ZW10: variants seen among roughly 807,000 people sequenced by gnomAD.
ZW10 encodes the protein zw10 kinetochore protein, also known as centromere/kinetochore protein zw10 homolog.
Under a neutral mutation model 87.8 loss-of-function variants are expected in ZW10, and 53 were observed. The observed-to-expected ratio is 0.60, with a 90% CI of 0.48 to 0.76. The LOEUF (loss-of-function observed/expected upper bound fraction) is 0.76, where lower values mean the gene tolerates loss of function less well. ZW10 is among the 30% of genes least tolerant of loss of function. The pLI, the probability that ZW10 is intolerant of heterozygous loss-of-function variation, is 0.00. For synonymous variants in ZW10, 312 were observed against 329.2 expected (o/e 0.95, Z 0.57); for missense variants, 837 against 923.0 (o/e 0.91, Z 1.21).
chr11:113,770,970 A>ATTTTT (rs71063523), intron 1 of ZW10, among the ~76,000 whole-genome samples: 2 of 116,202 alleles, frequency 1.7e-5, no homozygotes, highest in Admixed American at 9.4e-5. Context: ...TGAGGATGCT[A>ATTTTT]TTTTTTTTTT....
Position 113,773,448 on chromosome 11 carries a change from C to T in ZW10, c.105+114G>A, listed in dbSNP as rs1447603380. 3 of 821,812 alleles carry T rather than the reference C, an allele frequency of 3.7e-6. No homozygotes were observed. The African/African-American group carries it at 5.2e-5, about 14-fold the overall frequency. 50.9% of individuals were successfully genotyped at this position (821,812 alleles called of 1,614,324 possible). ...CACAACTAGATCTCCCCAACAGGCC[C>T]CACTCTGCTGGTCCCCACTCTGTCT... is the stretch of plus-strand genomic sequence containing the variant. On this transcript the variant is annotated intron_variant, in intron 1 of 15. Coordinates refer to ENST00000200135, the MANE Select transcript of ZW10 (RefSeq NM_004724.4).
intron 7 of ZW10, among the ~76,000 whole-genome samples, chr11:113,751,600 G>T (rs976305788): frequency 1.1e-4 from 16 of 152,220 alleles, no homozygotes; most frequent in Non-Finnish European, 1.9e-4. Context: ...GGCTGGCTGG[G>T]CGCAGTGGCT....
At chr11:113,751,544 A>G (rs564283598) in intron 7 of ZW10, among the ~76,000 whole-genome samples, 3 of 152,300 alleles carry the variant, frequency 2.0e-5, no homozygotes, top group African/African-American at 7.2e-5. Context: ...TTTTAGTTCT[A>G]TGTTAGGGGA....
At chr11:113,752,630 A>G (rs1953745088) in intron 7 of ZW10, among the ~76,000 whole-genome samples, 1 of 152,218 alleles carries the variant, frequency 6.6e-6, no homozygotes, top group Non-Finnish European at 1.5e-5. Flanking sequence ...TTGAGATGCC[A>G]TGAACCACTC....
chr11:113,742,246 T>C (rs1011416657), intron 10 of ZW10, among the ~76,000 whole-genome samples: 3 of 152,234 alleles, frequency 2.0e-5, no homozygotes, highest in Admixed American at 2.0e-4. Context: ...ATTTCTAGGA[T>C]AGAATCTAGC....
At chr11:113,769,885 C>T in intron 1 of ZW10, 1 of 322,682 alleles carries the variant, frequency 3.1e-6, no homozygotes. Context: ...TGTGCCCATC[C>T]ACCTGAAATG....
At chr11:113,739,523 T>A (rs773837611) in intron 11 of ZW10, 141 bp from the exon 12 acceptor site, 363 of 695,892 alleles carry the variant, frequency 5.2e-4, no homozygotes, top group Non-Finnish European at 7.7e-4. Flanking sequence ...CAAGATACAA[T>A]CTCATCACTC....
Position 113,747,637 on chromosome 11 carries a change from A to C in ZW10, c.1166T>G (p.Leu389Arg). ...AGAATTGATGTTACGAGCGTATTTCAGCAAATCTGTAGTATCTCCTTTTAA... is the reference window on the plus strand; with the variant it reads ...AGAATTGATGTTACGAGCGTATTTCCGCAAATCTGTAGTATCTCCTTTTAA... The part of the protein sequence containing the change: ...RFLKGDTTDL[L>R]KYARNINSHF... The change falls in exon 9 of 16, where the codon CTG becomes CGG. Residue 389 changes from leucine (L) to arginine (R), a missense_variant. Physicochemically the swap from Leu to Arg is moderately radical, Grantham distance 102. Coordinates refer to ENST00000200135, the MANE Select transcript of ZW10 (RefSeq NM_004724.4). 6.2e-7 allele frequency: 1 copy of C among 1,613,844 alleles called. No homozygotes were observed. Among genetic ancestry groups the C allele is most frequent in the South Asian group, 1.1e-5 (1 of 91,062 alleles).
At position 113,743,792 on chromosome 11, in the gene ZW10, G is replaced by C. The variant is rs1407755018; in HGVS notation, c.1511+10C>G. On this transcript the variant is annotated intron_variant, in intron 10 of 15. Transcript: ENST00000200135. Reference sequence around the variant, plus strand: ...GTCATTGCCATTTTCACACAACCCAGAATTCGTACCATTGATCACTACTGG... The same window carrying C: ...GTCATTGCCATTTTCACACAACCCACAATTCGTACCATTGATCACTACTGG... The C allele has an allele frequency of 6.2e-7, 1 of 1,606,390 alleles. No individual in the cohort carries two copies. The highest frequency in any genetic ancestry group is 1.3e-5 in the African/African-American group (1 of 74,790).
chr11:113,771,865 ATAAATACATGAAT>A (rs1461243021), intron 1 of ZW10, among the ~76,000 whole-genome samples: 2 of 152,188 alleles, frequency 1.3e-5, no homozygotes, highest in Non-Finnish European at 2.9e-5. Flanking sequence ...TGACAGAGGA[ATAAATACATGAAT>A]TAAAAAAAAG....
intron 2 of ZW10, among the ~76,000 whole-genome samples, chr11:113,765,156 G>T (rs915997215): frequency 1.3e-5 from 2 of 152,222 alleles, no homozygotes; most frequent in African/African-American, 4.8e-5. Context: ...AACATCAATA[G>T]TGACAAGGGT....
rs185754878 is a variant in ZW10, at chr11:113,768,704, T to C, written c.240+129A>G. On this transcript the variant is annotated intron_variant, in intron 2 of 15. Transcript: ENST00000200135. Reference sequence around the variant, plus strand: ...GAATTGAAGTCACCCTACAATCATTTAGTTCAATCTCCATTTACCAATCAG... The same window carrying C: ...GAATTGAAGTCACCCTACAATCATTCAGTTCAATCTCCATTTACCAATCAG... The C allele has an allele frequency of 1.3e-4, 119 of 925,382 alleles. 1 individual carries two copies. The African/African-American group carries it at 1.9e-3, about 15-fold the overall frequency. The allele number at this position is 925,382 out of a possible 1,614,324, so 57.3% of individuals were successfully genotyped here.
chr11:113,752,546 A>G (rs1953744092), intron 7 of ZW10, among the ~76,000 whole-genome samples: 1 of 152,190 alleles, frequency 6.6e-6, no homozygotes, highest in Non-Finnish European at 1.5e-5. Flanking sequence ...CACTTCATAT[A>G]TCTGTGTCAC....
intron 7 of ZW10, among the ~76,000 whole-genome samples, chr11:113,750,324 A>G (rs1189949936): frequency 6.7e-6 from 1 of 148,788 alleles, no homozygotes; most frequent in Non-Finnish European, 1.5e-5. Context: ...TTTTTTTGAG[A>G]TGAAGTTTTG....
Position 113,737,568 on chromosome 11 carries a change from T to G in ZW10, c.2016+4A>C. 6.2e-7 allele frequency: 1 copy of G among 1,605,732 alleles called. No individual in the cohort carries two copies. On this transcript the variant is annotated splice_donor_region_variant and intron_variant, in intron 14 of 15. Transcript: ENST00000200135. ...AGGCTAGTGTAGCATCTAATGGCCC[T>G]TACCTCTAGGGCAGTAATTTTGCCA...
At chr11:113,756,781 C>T (rs1953791081) in intron 7 of ZW10, among the ~76,000 whole-genome samples, 1 of 152,090 alleles carries the variant, frequency 6.6e-6, no homozygotes, top group Non-Finnish European at 1.5e-5. Flanking sequence ...TCTTTGGATG[C>T]TTTGTTTACA....
rs748032123 is a variant in ZW10 at position 113,747,625 on chromosome 11, C to T, written c.1178G>A (p.Arg393His). The T allele has an allele frequency of 2.5e-5, 41 of 1,613,514 alleles. No homozygotes were observed. Among genetic ancestry groups the T allele is most frequent in the South Asian group, 1.5e-4 (14 of 91,048 alleles). Residue 393 changes from arginine (R) to histidine (H), a missense_variant, in exon 9 of 16, where the codon CGT becomes CAT. By Grantham distance (29) the Arg-to-His change is conservative (BLOSUM62 0). Coordinates refer to ENST00000200135, the MANE Select transcript of ZW10 (RefSeq NM_004724.4). Reference sequence around the variant, plus strand: ...GTTTGCAAAATGAGAATTGATGTTACGAGCGTATTTCAGCAAATCTGTAGT... The same window carrying T: ...GTTTGCAAAATGAGAATTGATGTTATGAGCGTATTTCAGCAAATCTGTAGT... ...GDTTDLLKYA[R>H]NINSHFANKK...
chr11:113,747,529 A>G lies in ZW10; in HGVS notation c.1272+2T>C. The G allele has an allele frequency of 6.2e-7, 1 of 1,610,342 alleles. No individual in the cohort carries two copies. ...ATATACAATGCAATATAACACTGGT[A>G]CCTTCACAGTGTTATGAATTTCTGA... On this transcript the variant is annotated splice_donor_variant, in intron 9 of 15. Coordinates refer to ENST00000200135, the MANE Select transcript of ZW10 (RefSeq NM_004724.4). LOFTEE classifies it high-confidence loss of function.
chr11:113,767,659 C>T (rs1051777977), intron 2 of ZW10, among the ~76,000 whole-genome samples: 4 of 152,092 alleles, frequency 2.6e-5, no homozygotes, highest in African/African-American at 9.7e-5. Flanking sequence ...TCCGGAAATT[C>T]AAATCTGATG....
Sources: allele counts gnomAD v4.1 joint callset (sites outside exome capture counted in the v4.1 genomes callset), GRCh38; gene constraint gnomAD v4.1.1; transcripts MANE v1.5; gene names NCBI Gene and HGNC (gene_info 2026-07-23, HGNC 2026-07-21).